The following CASTOR2 variants were observed in gnomAD, a reference collection of about 807,000 sequenced individuals.
The protein encoded by CASTOR2 is cytosolic arginine sensor for mTORC1 subunit 2.
Under a neutral mutation model 31.2 loss-of-function variants are expected in CASTOR2, and 8 were observed. That is an observed-to-expected ratio of 0.26 (90% CI 0.15 to 0.46). CASTOR2 has a LOEUF of 0.46. CASTOR2 is among the 20% of genes least tolerant of loss of function. CASTOR2 has a pLI of 0.99. For synonymous variants in CASTOR2, 162 were observed against 158.7 expected (o/e 1.02, Z -0.16); for missense variants, 216 against 382.1 (o/e 0.57, Z 3.62).
chr7:75,023,036 A>G (rs1805041336), intron 7 of CASTOR2, among the ~76,000 whole-genome samples: 1 of 151,930 alleles, frequency 6.6e-6, no homozygotes, highest in African/African-American at 2.4e-5. Context: ...GCACCGGGCA[A>G]GGTGGCTTAC....
chr7:74,988,984 G>A (rs1258951938), intron 1 of CASTOR2, among the ~76,000 whole-genome samples: 4 of 133,350 alleles, frequency 3.0e-5, no homozygotes, highest in South Asian at 2.4e-4. Flanking sequence ...TTTTTGAGAC[G>A]GAGTCTTGCT....
chr7:75,022,056 C>A, intron 7 of CASTOR2, 100 bp downstream of exon 7: 2 of 1,395,914 alleles, frequency 1.4e-6, no homozygotes, highest in Non-Finnish European at 2.0e-6. Context: ...CTGGGGGGTA[C>A]AGATGGGGAG....
At chr7:74,998,239 C>T (rs1804399698) in intron 1 of CASTOR2, among the ~76,000 whole-genome samples, 2 of 152,196 alleles carry the variant, frequency 1.3e-5, no homozygotes, top group African/African-American at 4.8e-5. Flanking sequence ...TGATTACAGA[C>T]CTCGTACCAA....
intron 2 of CASTOR2, among the ~76,000 whole-genome samples, chr7:75,010,438 G>A (rs1804712644): frequency 1.3e-5 from 2 of 152,228 alleles, no homozygotes; most frequent in African/African-American, 4.8e-5. Context: ...GGGTGTGTGT[G>A]TGCAGGAGAG....
rs1469820699 is a variant in CASTOR2, at chr7:75,009,662, A to G, written c.184+1598A>G. Among the ~76,000 whole-genome samples, 324 of 150,994 alleles carry G rather than the reference A, an allele frequency of 2.1e-3. 1 individual carries two copies. Among genetic ancestry groups the G allele is most frequent in the African/African-American group, 7.0e-3 (285 of 40,816 alleles). ...AAACATTAATGGAGGGGCACTTTCC[A>G]GGCAGAGAGAACCCCATGTGTGTAC... On this transcript the variant is annotated intron_variant, in intron 2 of 8. Transcript: ENST00000616305.
At chr7:74,985,333 A>T (rs1275489136) in intron 1 of CASTOR2, among the ~76,000 whole-genome samples, 1 of 151,862 alleles carries the variant, frequency 6.6e-6, no homozygotes, top group Non-Finnish European at 1.5e-5. Context: ...CACACTCAGC[A>T]TTTTGGGAGG....
chr7:74,986,205 C>T (rs1804061711), intron 1 of CASTOR2, among the ~76,000 whole-genome samples: 1 of 150,224 alleles, frequency 6.7e-6, no homozygotes, highest in South Asian at 2.2e-4. Flanking sequence ...GCTGGGATGA[C>T]AGGCGTAAGC....
At chr7:74,987,776 T>C (rs1804106805) in intron 1 of CASTOR2, among the ~76,000 whole-genome samples, 3 of 152,202 alleles carry the variant, frequency 2.0e-5, no homozygotes, top group Admixed American at 6.5e-5. Context: ...TGGCGTGATA[T>C]CGGCTCACTG....
At chr7:75,015,881 A>G (rs1804852392) in intron 2 of CASTOR2, among the ~76,000 whole-genome samples, 5 of 152,248 alleles carry the variant, frequency 3.3e-5, no homozygotes, top group African/African-American at 9.6e-5. Context: ...AGCCGGGCCA[A>G]CATGGTGAAA....
intron 1 of CASTOR2, among the ~76,000 whole-genome samples, chr7:74,998,251 C>T (rs1247447537): frequency 1.3e-5 from 2 of 152,200 alleles, no homozygotes; most frequent in African/African-American, 4.8e-5. Context: ...TCGTACCAAG[C>T]CCTGTGCTGG....
At chr7:74,986,928 C>G (rs1296383802) in intron 1 of CASTOR2, among the ~76,000 whole-genome samples, 1 of 152,030 alleles carries the variant, frequency 6.6e-6, no homozygotes, top group Admixed American at 6.6e-5. Context: ...TGGTGGCACA[C>G]GCCTGTAGTC....
chr7:74,981,846 C>G (rs1234207829), intron 1 of CASTOR2, among the ~76,000 whole-genome samples: 8 of 139,750 alleles, frequency 5.7e-5, no homozygotes, highest in Non-Finnish European at 7.7e-5. Flanking sequence ...GCAAGAGGAT[C>G]GCTTGAGGCC....
intron 2 of CASTOR2, among the ~76,000 whole-genome samples, chr7:75,010,192 A>G (rs1243214739): frequency 6.6e-6 from 1 of 152,118 alleles, no homozygotes; most frequent in Non-Finnish European, 1.5e-5. Flanking sequence ...TCATGTGGTC[A>G]TGGAGGACTT....
chr7:74,999,350 C>T (rs1295422222), intron 1 of CASTOR2, among the ~76,000 whole-genome samples: 20 of 151,922 alleles, frequency 1.3e-4, no homozygotes, highest in Non-Finnish European at 2.8e-4. Context: ...TGTTCAGGAT[C>T]GCCCTTCCAA....
chr7:75,011,961 C>T (rs1554439500), intron 2 of CASTOR2, among the ~76,000 whole-genome samples: 21,073 of 150,232 alleles, frequency 0.14, 3,992 homozygotes, highest in African/African-American at 0.44. Context: ...AGTGAGACTC[C>T]GTCTTAAAAG....
At chr7:75,012,091 C>T (rs1804763642) in intron 2 of CASTOR2, among the ~76,000 whole-genome samples, 1 of 152,086 alleles carries the variant, frequency 6.6e-6, no homozygotes, top group South Asian at 2.1e-4. Flanking sequence ...GAAATGCTCT[C>T]AAGGCGCCTC....
chr7:75,013,305 A>G (rs1317219929), intron 2 of CASTOR2, among the ~76,000 whole-genome samples: 1 of 152,182 alleles, frequency 6.6e-6, no homozygotes, highest in Non-Finnish European at 1.5e-5. Context: ...GATGGCTTGT[A>G]AATGACATGA....
chr7:75,021,746 G>A, intron 6 of CASTOR2, 128 bp from the exon 7 acceptor site: 2 of 1,123,632 alleles, frequency 1.8e-6, no homozygotes, highest in Non-Finnish European at 2.6e-6. Flanking sequence ...TTGTTTTTGG[G>A]GGGCCCTGAG....
rs1475198238 is a variant in CASTOR2 at position 74,964,766 on chromosome 7, C to T, written c.-220C>T. The T allele has an allele frequency of 1.4e-4, 12 of 83,316 alleles. No homozygotes were observed. In the South Asian group the frequency reaches 5.5e-3, roughly 38 times the overall value. The allele number at this position is 83,316 out of a possible 1,614,324, so 5.2% of individuals were successfully genotyped here. A position where few individuals can be genotyped will look rare whatever the true frequency, so the allele number is the denominator to read the frequency against. On this transcript the variant is annotated 5_prime_UTR_variant, in exon 1 of 9. Coordinates refer to ENST00000616305, the MANE Select transcript of CASTOR2 (RefSeq NM_001145064.3). ...CCGCCGCTCGGCCCCTCGGCTGCTG[C>T]TCCGCCGGCGCTGCCTCCCTCGCCC...
Sources: allele counts gnomAD v4.1 joint callset (sites outside exome capture counted in the v4.1 genomes callset), GRCh38; gene constraint gnomAD v4.1.1; transcripts MANE v1.5; gene names NCBI Gene and HGNC (gene_info 2026-07-23, HGNC 2026-07-21).